ASCC1: variants seen among roughly 807,000 people sequenced by gnomAD.
The protein encoded by ASCC1 is ASC-1 complex subunit P50.
ASCC1 carries 35 observed loss-of-function variants against 46.6 expected under a neutral mutation model. The ratio of observed to expected loss-of-function variants is 0.75; its 90% confidence interval spans 0.57 to 0.99. The LOEUF (loss-of-function observed/expected upper bound fraction) is 0.99, where lower values mean the gene tolerates loss of function less well. Among genes scored for constraint, ASCC1 ranks in the 50% least tolerant of loss-of-function variants. The probability of loss-of-function intolerance (pLI) is 0.00; values close to 1 mark genes in which losing one functional copy is unlikely to be tolerated. For synonymous variants in ASCC1, 143 were observed against 146.6 expected (o/e 0.98, Z 0.18); for missense variants, 376 against 428.7 (o/e 0.88, Z 1.09).
chr10:72,153,489 G>T (rs904131705), intron 6 of ASCC1, among the ~76,000 whole-genome samples: 4 of 152,140 alleles, frequency 2.6e-5, no homozygotes, highest in African/African-American at 9.7e-5. Context: ...ACAGTGGCGT[G>T]ATCTCGGCTC....
chr10:72,104,395 G>A (rs1842122436), intron 9 of ASCC1, among the ~76,000 whole-genome samples: 1 of 152,050 alleles, frequency 6.6e-6, no homozygotes, highest in South Asian at 2.1e-4. Flanking sequence ...AAATAAGCAC[G>A]AGTCAACTAA....
intron 6 of ASCC1, 89 bp downstream of exon 6, chr10:72,161,449 A>C (rs1228857133): frequency 1.9e-6 from 3 of 1,547,366 alleles, no homozygotes; most frequent in Non-Finnish European, 2.7e-6. Flanking sequence ...CCCATGTTAT[A>C]CACCCTCTGG....
At chr10:72,168,856 T>C (rs978707990) in intron 5 of ASCC1, among the ~76,000 whole-genome samples, 10 of 152,334 alleles carry the variant, frequency 6.6e-5, no homozygotes, top group African/African-American at 2.4e-4. Flanking sequence ...TGCCAGCACC[T>C]TGATCTTAGT....
intron 5 of ASCC1, among the ~76,000 whole-genome samples, chr10:72,189,166 C>T (rs895375031): frequency 3.3e-5 from 5 of 151,468 alleles, no homozygotes; most frequent in Non-Finnish European, 5.9e-5. Flanking sequence ...TTTGGGAGGC[C>T]GAGGCGGGCG....
At chr10:72,103,195 C>T (rs1468968338) in intron 9 of ASCC1, among the ~76,000 whole-genome samples, 3 of 151,238 alleles carry the variant, frequency 2.0e-5, no homozygotes, top group Admixed American at 6.6e-5. Context: ...TGCAGTGGCG[C>T]GATCTCAGCT....
Position 72,097,091 on chromosome 10 carries a change from T to C in ASCC1, c.*243A>G, listed in dbSNP as rs780524290. On this transcript the variant is annotated 3_prime_UTR_variant, in exon 10 of 10. Transcript: ENST00000672957. ...GAGTATTTTACGACAATTTAAAAAT[T>C]AAAAGAAAAAAAACCAGAACACACT... is the stretch of plus-strand genomic sequence containing the variant. 5 of 544,142 alleles carry C rather than the reference T, an allele frequency of 9.2e-6. No homozygotes were observed. Among genetic ancestry groups the C allele is most frequent in the African/African-American group, 1.9e-5 (1 of 53,014 alleles). 33.7% of individuals were successfully genotyped at this position (544,142 alleles called of 1,614,324 possible). A position where few individuals can be genotyped will look rare whatever the true frequency, so the allele number is the denominator to read the frequency against.
At chr10:72,099,116 C>T (rs970677994) in intron 9 of ASCC1, among the ~76,000 whole-genome samples, 1 of 152,128 alleles carries the variant, frequency 6.6e-6, no homozygotes, top group Admixed American at 6.5e-5. Context: ...TAAGGATTGG[C>T]AGCCTGTGAG....
chr10:72,142,235 A>G (rs1449280192), intron 7 of ASCC1, among the ~76,000 whole-genome samples: 1 of 152,070 alleles, frequency 6.6e-6, no homozygotes, highest in Non-Finnish European at 1.5e-5. Flanking sequence ...ATTTAGTAGG[A>G]TATTATTAGA....
At chr10:72,187,948 G>T (rs1017422000) in intron 5 of ASCC1, among the ~76,000 whole-genome samples, 5 of 150,822 alleles carry the variant, frequency 3.3e-5, no homozygotes, top group Admixed American at 6.6e-5. Context: ...GTGAGAGTCT[G>T]TCTCAAAAAA....
chr10:72,186,893 T>C (rs1302771201), intron 5 of ASCC1, among the ~76,000 whole-genome samples: 1 of 138,486 alleles, frequency 7.2e-6, no homozygotes, highest in Non-Finnish European at 1.5e-5. Flanking sequence ...CTGTCAGCCA[T>C]GTCAGCAGCC....
chr10:72,214,367 CTTTTTTTTTTT>C (rs970289326), intron 1 of ASCC1, among the ~76,000 whole-genome samples: 1 of 88,464 alleles, frequency 1.1e-5, no homozygotes, highest in South Asian at 4.0e-4. Flanking sequence ...CACAATATCT[CTTTTTTTTTTT>C]TTTTTTTTTT....
chr10:72,108,173 C>T (rs564399217), intron 9 of ASCC1, among the ~76,000 whole-genome samples: 25 of 151,198 alleles, frequency 1.7e-4, no homozygotes, highest in Admixed American at 1.3e-3. Flanking sequence ...ACCTCCCAGG[C>T]GCAAGAGATC....
intron 9 of ASCC1, among the ~76,000 whole-genome samples, chr10:72,122,419 CAA>C (rs1210357975): frequency 1.7e-4 from 12 of 72,204 alleles, no homozygotes; most frequent in African/African-American, 3.5e-4. Flanking sequence ...GACGCAGTCT[CAA>C]AAAAAAAAAA....
intron 9 of ASCC1, among the ~76,000 whole-genome samples, chr10:72,103,553 G>C (rs1842029800): frequency 6.6e-6 from 1 of 152,078 alleles, no homozygotes; most frequent in South Asian, 2.1e-4. Flanking sequence ...GTGGCACCTT[G>C]GCATTTGAGC....
intron 9 of ASCC1, among the ~76,000 whole-genome samples, chr10:72,101,770 G>C (rs1841790046): frequency 6.6e-6 from 1 of 151,750 alleles, no homozygotes; most frequent in African/African-American, 2.4e-5. Flanking sequence ...AAGGGAACAA[G>C]ATAAAGAAAA....
chr10:72,141,398 G>A (rs1029219706), intron 7 of ASCC1, among the ~76,000 whole-genome samples: 1 of 152,070 alleles, frequency 6.6e-6, no homozygotes. Flanking sequence ...ATTTGATTTT[G>A]ATGACCATTT....
In ASCC1 at chr10:72,115,393, C is replaced by A. The variant is rs528927774; in HGVS notation, c.957+12689G>T. The stretch of plus-strand genomic sequence containing the variant: ...CTCTATTGATTTGGACAGCTCTTAC[C>A]ATTAAGGAAGAGGTAGTATCTGTAT... On this transcript the variant is annotated intron_variant, in intron 9 of 9. Transcript: ENST00000672957. Among the ~76,000 whole-genome samples the A allele has an allele frequency of 1.6e-4, 25 of 152,178 alleles. 1 individual carries two copies. In the South Asian group the frequency reaches 4.4e-3, roughly 27 times the overall value.
At chr10:72,211,667 T>C (rs1379044854) in intron 2 of ASCC1, among the ~76,000 whole-genome samples, 2 of 151,290 alleles carry the variant, frequency 1.3e-5, no homozygotes, top group Non-Finnish European at 2.9e-5. Flanking sequence ...ACTAAAAATA[T>C]AAAAAATTAG....
chr10:72,198,992 T>C (rs1856068039), intron 4 of ASCC1, among the ~76,000 whole-genome samples: 1 of 151,390 alleles, frequency 6.6e-6, no homozygotes, highest in African/African-American at 2.4e-5. Context: ...AATTTTTGTA[T>C]TCTTAGGAGA....
Sources: gnomAD v4.1 joint callset for allele counts (sites outside exome capture counted in the v4.1 genomes callset) on GRCh38, gnomAD v4.1.1 for gene constraint, MANE v1.5 for transcripts, NCBI Gene and HGNC (gene_info 2026-07-23, HGNC 2026-07-21) for gene names.